Variants in CLBA1 observed in about 807,000 individuals in gnomAD.
The protein encoded by CLBA1 is clathrin binding box of aftiphilin containing 1.
CLBA1 carries 30 observed loss-of-function variants against 28.8 expected under a neutral mutation model. The ratio of observed to expected loss-of-function variants is 1.04; its 90% confidence interval spans 0.78 to 1.41. CLBA1 has a LOEUF of 1.41. Ranked by LOEUF, CLBA1 falls within the 40% of genes most tolerant of loss-of-function variation. The probability of loss-of-function intolerance (pLI) is 0.00; values close to 1 mark genes in which losing one functional copy is unlikely to be tolerated. For synonymous variants in CLBA1, 160 were observed against 152.8 expected (o/e 1.05, Z -0.35); for missense variants, 451 against 412.3 (o/e 1.09, Z -0.81).
At chr14:104,997,870 G>A (rs796871336), downstream of CLBA1, among the ~76,000 whole-genome samples, 9 of 152,054 alleles carry the variant, frequency 5.9e-5, no homozygotes, top group African/African-American at 2.2e-4. Flanking sequence ...TTAGCCAGGC[G>A]TGGTGGCGCA....
At chr14:105,000,563 C>T (rs956514829) in intron 2 of CLBA1, among the ~76,000 whole-genome samples, 4 of 151,928 alleles carry the variant, frequency 2.6e-5, no homozygotes, top group African/African-American at 7.2e-5. Context: ...TGAGCCACCG[C>T]GTCCAGCCAA....
Position 104,991,524 on chromosome 14 carries a change from G to C in CLBA1, c.603G>C (p.Gln201His). ...NESRKLWRAL[Q>H]SIHTTSTSQR... ...CCAGAAAACTCTGGAGAGCCCTTCA[G>C]AGCATACACACCACGTCTACTTCTC... Residue 201 changes from glutamine (Q) to histidine (H), a missense_variant, in exon 3 of 5, where the codon CAG becomes CAC. Gln to His is a conservative substitution (Grantham distance 24, BLOSUM62 0). Transcript: ENST00000547315. 5 of 1,614,086 alleles carry C rather than the reference G, an allele frequency of 3.1e-6. No individual in the cohort carries two copies. Among genetic ancestry groups the C allele is most frequent in the Non-Finnish European group, 4.2e-6 (5 of 1,179,924 alleles).
chr14:104,996,556 G>A (rs1338475509), downstream of CLBA1, among the ~76,000 whole-genome samples: 3 of 152,234 alleles, frequency 2.0e-5, no homozygotes, highest in Admixed American at 1.3e-4. Flanking sequence ...CCCAGCAGGG[G>A]AGCTGGGACA....
rs1442482046 is a variant in CLBA1 at position 104,993,479 on chromosome 14, G to A, written c.816+415G>A. On this transcript the variant is annotated intron_variant, in intron 4 of 4. Coordinates refer to ENST00000547315, the MANE Select transcript of CLBA1 (RefSeq NM_174891.4). ...TGAACGGATCTGACTGGCGGCTTCA[G>A]TCACGGGCCGCTTACCCTACACAGG... 3 of 985,314 alleles carry A rather than the reference G, an allele frequency of 3.0e-6. No individual in the cohort carries two copies. In the African/African-American group the frequency reaches 5.2e-5, roughly 17 times the overall value. 61.0% of individuals were successfully genotyped at this position (985,314 alleles called of 1,614,324 possible).
intron 2 of CLBA1, chr14:104,990,019 A>T (rs151174567): frequency 4.2e-6 from 1 of 238,142 alleles, no homozygotes; most frequent in South Asian, 5.1e-5. Flanking sequence ...CATTGCCCAG[A>T]TGGCCCGTGT....
Position 104,986,236 on chromosome 14 carries a change from T to C in CLBA1, c.-196T>C, listed in dbSNP as rs1899850699. 5 of 617,598 alleles carry C rather than the reference T, an allele frequency of 8.1e-6. No individual in the cohort carries two copies. In the Admixed American group the frequency reaches 1.2e-4, roughly 15 times the overall value. 38.3% of individuals were successfully genotyped at this position (617,598 alleles called of 1,614,324 possible). On this transcript the variant is annotated 5_prime_UTR_variant, in exon 1 of 5. Coordinates refer to ENST00000547315, the MANE Select transcript of CLBA1 (RefSeq NM_174891.4). The stretch of plus-strand genomic sequence containing the variant: ...CTCCCGGGCGACCGGGCCATTCCTG[T>C]GGTTTGTGTCAGTTCCACAGCAGCA...
intron 3 of CLBA1, 52 bp from the exon 4 acceptor site, chr14:104,992,896 A>G: frequency 7.1e-7 from 1 of 1,401,596 alleles, no homozygotes; most frequent in Non-Finnish European, 1.0e-6. Flanking sequence ...AAAAGGAAAC[A>G]GGAGACAAAA....
Position 104,989,073 on chromosome 14 carries a change from G to A in CLBA1, c.554G>A (p.Arg185His), listed in dbSNP as rs749608156. 16 of 1,608,264 alleles carry A rather than the reference G, an allele frequency of 9.9e-6. No individual in the cohort carries two copies. Among genetic ancestry groups the A allele is most frequent in the South Asian group, 6.7e-5 (6 of 89,032 alleles). Residue 185 changes from arginine (R) to histidine (H), a missense_variant, in exon 2 of 5, where the codon CGT becomes CAT. By Grantham distance (29) the Arg-to-His change is conservative (BLOSUM62 0). Coordinates refer to ENST00000547315, the MANE Select transcript of CLBA1 (RefSeq NM_174891.4). ...AGTGAAGAAAAACCTGGCGTTGAAC[G>A]TGTACATAAATTGTGGTAATGAACT... Reference protein sequence around the residue: ...ISSEEKPGVERVHKLCNESRK... With the variant: ...ISSEEKPGVEHVHKLCNESRK...
At chr14:105,001,036 T>C (rs1900256081) in intron 2 of CLBA1, among the ~76,000 whole-genome samples, 1 of 136,196 alleles carries the variant, frequency 7.3e-6, no homozygotes, top group African/African-American at 2.8e-5. Flanking sequence ...GAAAATGTGG[T>C]ACATACGCAC....
intron 2 of CLBA1, among the ~76,000 whole-genome samples, chr14:105,000,599 A>G (rs986022750): frequency 1.3e-5 from 2 of 152,062 alleles, no homozygotes; most frequent in Non-Finnish European, 2.9e-5. Context: ...AAATATATAT[A>G]TATCTATTTT....
chr14:104,998,532 C>T (rs552252991), downstream of CLBA1, among the ~76,000 whole-genome samples: 1 of 152,352 alleles, frequency 6.6e-6, no homozygotes, highest in East Asian at 1.9e-4. Context: ...TTTTGAACTC[C>T]TGAGCTCAAG....
At position 104,993,052 on chromosome 14, in the gene CLBA1, G is replaced by C. The variant is rs775572576; in HGVS notation, c.804G>C (p.Leu268=). 3 of 1,613,878 alleles carry C rather than the reference G, an allele frequency of 1.9e-6. No individual in the cohort carries two copies. The Admixed American group carries it at 5.0e-5, about 27-fold the overall frequency. Reference sequence around the variant, plus strand: ...TCTGTCTCCAGCATTGCAAAGCCCTGATCCAGACCAAGGTGAGTGGTCACC... The same window carrying C: ...TCTGTCTCCAGCATTGCAAAGCCCTCATCCAGACCAAGGTGAGTGGTCACC... ...SSFCLQHCKA[L]IQTKLSGPPG... The change falls in exon 4 of 5, where the codon CTG becomes CTC. Residue 268 remains leucine (L), a synonymous_variant. Transcript: ENST00000547315.
Position 104,986,071 on chromosome 14 carries a change from A to C in CLBA1, c.-361A>C. 7.0e-6 allele frequency: 2 copies of C among 287,624 alleles called. No homozygotes were observed. The highest frequency in any genetic ancestry group is 1.3e-5 in the Non-Finnish European group (2 of 148,578). The allele number at this position is 287,624 out of a possible 1,614,324, so 17.8% of individuals were successfully genotyped here. A position where few individuals can be genotyped will look rare whatever the true frequency, so the allele number is the denominator to read the frequency against. On this transcript the variant is annotated 5_prime_UTR_variant, in exon 1 of 5. Transcript: ENST00000547315. ...GCGCCCGGCTCTCGCTCCTCTGGCCAGCGTGGGCCTCCCAGGCCCCCTCGC... is the reference window on the plus strand; with the variant it reads ...GCGCCCGGCTCTCGCTCCTCTGGCCCGCGTGGGCCTCCCAGGCCCCCTCGC...
At chr14:104,993,099 G>A (rs762314997) in intron 4 of CLBA1, 35 bp downstream of exon 4, 13 of 1,593,844 alleles carry the variant, frequency 8.2e-6, no homozygotes, top group African/African-American at 6.8e-5. Flanking sequence ...TCAGGGAACC[G>A]CGCTGGCGGT....
chr14:104,999,332 T>C (rs1230600101), downstream of CLBA1: 16 of 759,250 alleles, frequency 2.1e-5, no homozygotes, highest in Non-Finnish European at 2.6e-5. Flanking sequence ...GTCAGCCACA[T>C]CAGAGGCCAG....
chr14:105,000,095 C>CAGGCAGCCTCTGCCCAACACAGCCAGG (rs1900238086), downstream of CLBA1, among the ~76,000 whole-genome samples: 1 of 152,214 alleles, frequency 6.6e-6, no homozygotes, highest in African/African-American at 2.4e-5. Context: ...CGAGGAAAAG[C>CAGGCAGCCTCTGCCCAACACAGCCAGG]AGGCAGCCTC....
Position 104,989,027 on chromosome 14 carries a change from G to T in CLBA1, c.508G>T (p.Asp170Tyr), listed in dbSNP as rs1264546848. ...GGCAGCTGAAGACGTTTCCACCATA[G>T]ACCATTTCCTAGAAATAAGCAGTGA... ...QQAAEDVSTI[D>Y]HFLEISSEEK... Residue 170 changes from aspartate (D) to tyrosine (Y), a missense_variant, in exon 2 of 5, where the codon GAC becomes TAC. Physicochemically the swap from Asp to Tyr is radical, Grantham distance 160. Coordinates refer to ENST00000547315, the MANE Select transcript of CLBA1 (RefSeq NM_174891.4). 1.2e-6 allele frequency: 2 copies of T among 1,613,664 alleles called. No individual in the cohort carries two copies. The highest frequency in any genetic ancestry group is 1.1e-5 in the South Asian group (1 of 91,008).
At chr14:104,993,651 A>G in intron 4 of CLBA1, 3 of 985,444 alleles carry the variant, frequency 3.0e-6, no homozygotes, top group Non-Finnish European at 3.6e-6. Context: ...AGGGGGAAGA[A>G]AAGCTTTTCT....
At position 104,994,879 on chromosome 14, in the gene CLBA1, T is replaced by G; in HGVS notation, c.*120T>G. 6 of 1,456,888 alleles carry G rather than the reference T, an allele frequency of 4.1e-6. No individual in the cohort carries two copies. Among genetic ancestry groups the G allele is most frequent in the Non-Finnish European group, 5.4e-6 (6 of 1,110,082 alleles). The allele number at this position is 1,456,888 out of a possible 1,614,324, so 90.2% of individuals were successfully genotyped here. A position where few individuals can be genotyped will look rare whatever the true frequency, so the allele number is the denominator to read the frequency against. The stretch of plus-strand genomic sequence containing the variant: ...AGACCCCAGGCCCATTCCTGGGATC[T>G]CTCCAACAGGACCTGTCCTGTGTTC... On this transcript the variant is annotated 3_prime_UTR_variant, in exon 5 of 5. Coordinates refer to ENST00000547315, the MANE Select transcript of CLBA1 (RefSeq NM_174891.4).
Sources: gnomAD v4.1 joint callset for allele counts (sites outside exome capture counted in the v4.1 genomes callset) on GRCh38, gnomAD v4.1.1 for gene constraint, MANE v1.5 for transcripts, NCBI Gene and HGNC (gene_info 2026-07-23, HGNC 2026-07-21) for gene names.